The following ANKS1B variants were observed in gnomAD, a reference collection of about 807,000 sequenced individuals.
ANKS1B encodes ankyrin repeat and sterile alpha motif domain containing 1B, also known as ankyrin repeat and sterile alpha motif domain-containing protein 1B.
A neutral mutation model predicts 148.3 loss-of-function variants in ANKS1B; 36 were observed. The ratio of observed to expected loss-of-function variants is 0.24; its 90% CI spans 0.19 to 0.32. The LOEUF is 0.32. ANKS1B is among the 10% of genes least tolerant of loss of function. The pLI is 1.00. For synonymous variants in ANKS1B, 542 were observed against 560.8 expected, an observed-to-expected ratio of 0.97 and a Z score of 0.47; for missense variants, 1,157 against 1,542.6, an observed-to-expected ratio of 0.75 and a Z score of 4.19.
chr12:99,702,088 T>C (rs1270400999), intron 8 of ANKS1B, among the ~76,000 whole-genome samples: 3 of 152,184 alleles, frequency 2.0e-5, no homozygotes, highest in Admixed American at 6.5e-5. Context: ...ATGGTAGTTC[T>C]ATTTTTAGTT....
intron 2 of ANKS1B, among the ~76,000 whole-genome samples, chr12:99,820,910 A>G (rs1332199920): frequency 6.6e-6 from 1 of 151,952 alleles, no homozygotes. Flanking sequence ...TGTGGCCATT[A>G]AGTCACTTAA....
chr12:99,635,572 T>C (rs1287831644), intron 9 of ANKS1B, among the ~76,000 whole-genome samples: 3 of 152,070 alleles, frequency 2.0e-5, no homozygotes, highest in African/African-American at 4.8e-5. Flanking sequence ...AAATAAAAAG[T>C]AGAATGGTGG....
At chr12:99,201,436 A>G (rs1344312116) in intron 14 of ANKS1B, among the ~76,000 whole-genome samples, 1 of 152,166 alleles carries the variant, frequency 6.6e-6, no homozygotes, top group Admixed American at 6.5e-5. Flanking sequence ...TAAGGAACAT[A>G]CTGTGTTATT....
downstream of ANKS1B, among the ~76,000 whole-genome samples, chr12:98,740,041 G>A (rs978675265): frequency 2.6e-5 from 4 of 152,052 alleles, no homozygotes; most frequent in South Asian, 4.2e-4. Flanking sequence ...TTTGGGCGAC[G>A]CATACACCCA....
intron 8 of ANKS1B, among the ~76,000 whole-genome samples, chr12:99,697,430 G>C (rs908656400): frequency 6.6e-6 from 1 of 152,062 alleles, no homozygotes; most frequent in Non-Finnish European, 1.5e-5. Context: ...TTCAAAGCAT[G>C]AAAAGACATA....
At chr12:99,383,512 T>C (rs2093728755) in intron 12 of ANKS1B, among the ~76,000 whole-genome samples, 1 of 152,226 alleles carries the variant, frequency 6.6e-6, no homozygotes, top group South Asian at 2.1e-4. Context: ...TGTTCTCACT[T>C]ATATCTTTGC....
chr12:99,720,095 C>A (rs1411148111), intron 8 of ANKS1B, among the ~76,000 whole-genome samples: 1 of 152,232 alleles, frequency 6.6e-6, no homozygotes, highest in Admixed American at 6.5e-5. Flanking sequence ...TAGCCCATCT[C>A]TTAGAACCTC....
At chr12:99,158,411 C>T (rs1044124321) in intron 14 of ANKS1B, among the ~76,000 whole-genome samples, 1 of 152,006 alleles carries the variant, frequency 6.6e-6, no homozygotes, top group Non-Finnish European at 1.5e-5. Context: ...CCTGATTTAC[C>T]GTAAGGAAAC....
At chr12:99,676,512 C>T (rs550461574) in intron 8 of ANKS1B, among the ~76,000 whole-genome samples, 1 of 152,188 alleles carries the variant, frequency 6.6e-6, no homozygotes, top group East Asian at 1.9e-4. Context: ...AGAGGCAATC[C>T]TAAGAATTTA....
At position 99,789,360 on chromosome 12, in the gene ANKS1B, A is replaced by G. The variant is rs150403556; in HGVS notation, c.670-7263T>C. On this transcript the variant is annotated intron_variant, in intron 4 of 26. Coordinates refer to ENST00000683438, the MANE Select transcript of ANKS1B (RefSeq NM_001352186.2). ...GTCTTCCTAAGAAGGACAGATACAA[A>G]CAGGTCCAGACTGTGAAGACTACAG... Among the ~76,000 whole-genome samples the G allele has an allele frequency of 2.9e-4, 44 of 152,298 alleles. No individual in the cohort carries two copies. In the East Asian group the frequency reaches 5.0e-3, roughly 17 times the overall value.
intron 10 of ANKS1B, among the ~76,000 whole-genome samples, chr12:99,448,352 C>T (rs139263414): frequency 6.6e-6 from 1 of 152,204 alleles, no homozygotes; most frequent in African/African-American, 2.4e-5. Context: ...CACAGAAAGA[C>T]AAATGACACG....
chr12:99,218,007 G>C (rs1022169017), intron 14 of ANKS1B, among the ~76,000 whole-genome samples: 3 of 152,038 alleles, frequency 2.0e-5, no homozygotes, highest in Non-Finnish European at 4.4e-5. Context: ...ACAGAGATTA[G>C]GGCTCATGAA....
chr12:99,389,731 AT>A (rs1449376884), intron 12 of ANKS1B, among the ~76,000 whole-genome samples: 1 of 152,208 alleles, frequency 6.6e-6, no homozygotes, highest in East Asian at 1.9e-4. Flanking sequence ...AATCTGTTAT[AT>A]TTTCACGTGC....
intron 12 of ANKS1B, among the ~76,000 whole-genome samples, chr12:99,346,765 A>C (rs1273505539): frequency 6.6e-6 from 1 of 151,714 alleles, no homozygotes; most frequent in African/African-American, 2.4e-5. Flanking sequence ...GTTATCAAAG[A>C]TCTGGTTGTT....
In ANKS1B at chr12:99,837,141, C is replaced by A. The variant is rs1292491535; in HGVS notation, c.135-11752G>T. ...AGACGGCACAGTCAAAAAGACTCAA[C>A]TGGCCATTGTTGGCTCTAAAGATGG... On this transcript the variant is annotated intron_variant, in intron 1 of 26. Coordinates refer to ENST00000683438, the MANE Select transcript of ANKS1B (RefSeq NM_001352186.2). 2.0e-5 allele frequency among the ~76,000 whole-genome samples: 3 copies of A among 152,286 alleles called. No homozygotes were observed. The East Asian group carries it at 5.8e-4, about 29-fold the overall frequency.
chr12:99,065,135 G>C (rs994137519), intron 16 of ANKS1B, among the ~76,000 whole-genome samples: 1 of 152,076 alleles, frequency 6.6e-6, no homozygotes, highest in African/African-American at 2.4e-5. Context: ...AAGACACGGG[G>C]TCTCTTTTTT....
In ANKS1B at chr12:99,085,017, T is replaced by C. The variant is rs1327085112; in HGVS notation, c.2533A>G (p.Asn845Asp). The C allele has an allele frequency of 6.2e-7, 1 of 1,605,360 alleles. No individual in the cohort carries two copies. The highest frequency in any genetic ancestry group is 1.3e-5 in the African/African-American group (1 of 74,840). Residue 845 changes from asparagine to aspartate, a missense_variant, in exon 16 of 27, where the codon AAT (asparagine) becomes GAT (aspartate). Physicochemically the swap from Asn to Asp is conservative, Grantham distance 23 (BLOSUM62 1). Transcript: ENST00000683438. ...GFDNVQFMGS[N>D]VMEDQDLLEI... ...AACAAATCCTGATCTTCCATAACAT[T>C]GCTTCCCTGAAACAAAACAGAAATG...
chr12:99,016,953 C>T (rs2099942937), intron 17 of ANKS1B, among the ~76,000 whole-genome samples: 2 of 152,236 alleles, frequency 1.3e-5, no homozygotes, highest in South Asian at 4.2e-4. Context: ...AATTAAAGTT[C>T]CATGTCCAGG....
chr12:99,063,943 C>T lies in ANKS1B; in HGVS notation c.2626-10634G>A, dbSNP rs991737956. Reference sequence around the variant, plus strand: ...TTACAATTAGACTCTGTTATGGATACAATTTCTATAAAAGAATAAAGAGAA... The same window carrying T: ...TTACAATTAGACTCTGTTATGGATATAATTTCTATAAAAGAATAAAGAGAA... On this transcript the variant is annotated intron_variant, in intron 16 of 26. Transcript: ENST00000683438. 2.0e-5 allele frequency among the ~76,000 whole-genome samples: 3 copies of T among 152,180 alleles called. No homozygotes were observed. The South Asian group carries it at 6.2e-4, about 31-fold the overall frequency.
Sources: allele counts gnomAD v4.1 joint callset (sites outside exome capture counted in the v4.1 genomes callset), GRCh38; gene constraint gnomAD v4.1.1; transcripts MANE v1.5; gene names NCBI Gene and HGNC (gene_info 2026-07-23, HGNC 2026-07-21).